Variants in DNAH6 observed in about 807,000 individuals in gnomAD.
DNAH6 encodes axonemal beta dynein heavy chain 6.
In DNAH6, 340 loss-of-function variants were observed where a neutral mutation model predicts 491.4. The observed-to-expected ratio is 0.69, with a 90% CI of 0.63 to 0.76. DNAH6 has a LOEUF of 0.76. Ranked by LOEUF, DNAH6 falls within the 30% of genes least tolerant of loss-of-function variation. The pLI, the probability that DNAH6 is intolerant of heterozygous loss-of-function variation, is 0.00. For synonymous variants in DNAH6, 1,603 were observed against 1,686.1 expected, an observed-to-expected ratio of 0.95 and a Z score of 1.21; for missense variants, 4,443 against 4,972.2, an observed-to-expected ratio of 0.89 and a Z score of 3.20.
the DNAH6 span, among the ~76,000 whole-genome samples, chr2:84,492,687 G>A: frequency 6.6e-6 from 1 of 151,998 alleles, no homozygotes; most frequent in Non-Finnish European, 1.5e-5. Context: ...TACATCTATG[G>A]GAATAATCTT....
At chr2:84,694,727 T>C (rs1695213660) in intron 46 of DNAH6, among the ~76,000 whole-genome samples, 1 of 152,216 alleles carries the variant, frequency 6.6e-6, no homozygotes, top group Non-Finnish European at 1.5e-5. Flanking sequence ...AACTTTTCTT[T>C]GAGGGAAAAG....
chr2:84,782,413 A>G (rs1326691186), intron 65 of DNAH6, among the ~76,000 whole-genome samples: 3 of 152,174 alleles, frequency 2.0e-5, no homozygotes, highest in African/African-American at 7.2e-5. Context: ...CCCTACAGAA[A>G]GCTTTCTGGA....
intron 3 of DNAH6, 72 bp from the exon 4 acceptor site, chr2:84,528,832 T>A (rs148527303): frequency 0.015 from 21,116 of 1,375,146 alleles, 332 homozygotes; most frequent in Middle Eastern, 0.068. Flanking sequence ...TCCTTGAAGG[T>A]AATATTTTGT....
At chr2:84,541,422 A>C (rs2104509583) in intron 4 of DNAH6, among the ~76,000 whole-genome samples, 1 of 152,346 alleles carries the variant, frequency 6.6e-6, no homozygotes, top group East Asian at 1.9e-4. Flanking sequence ...AATTCCATTA[A>C]AGTAACAGGA....
chr2:84,687,750 A>G (rs1450743341), intron 44 of DNAH6, among the ~76,000 whole-genome samples: 14 of 151,752 alleles, frequency 9.2e-5, no homozygotes, highest in African/African-American at 2.9e-4. Flanking sequence ...GATATCATCA[A>G]TAGATTAAAA....
intron 26 of DNAH6, among the ~76,000 whole-genome samples, chr2:84,622,448 T>TCTCA (rs1687486191): frequency 6.6e-6 from 1 of 152,064 alleles, no homozygotes; most frequent in Admixed American, 6.6e-5. Context: ...AGAGACAGGG[T>TCTCA]CTCACTGTAT....
Position 84,528,972 on chromosome 2 carries a change from AAG to A in DNAH6, c.471_472del (p.Gly158SerfsTer5). On this transcript the variant is annotated frameshift_variant, in exon 4 of 77. Coordinates refer to ENST00000389394, the MANE Select transcript of DNAH6 (RefSeq NM_001370.2). LOFTEE classifies it high-confidence loss of function. ...AACTGCCACATACTGGTATTGGAAA[AAG>A]AGGTCTCTTTGGGACTAGATCTTCA... ...PKLPHTGIGK[R>X]GLFGTRSSAY... 2 of 1,551,196 alleles carry A rather than the reference AAG, an allele frequency of 1.3e-6. No individual in the cohort carries two copies. Among genetic ancestry groups the A allele is most frequent in the East Asian group, 2.4e-5 (1 of 40,888 alleles).
At chr2:84,468,050 T>C in the DNAH6 span, among the ~76,000 whole-genome samples, 2 of 152,196 alleles carry the variant, frequency 1.3e-5, no homozygotes, top group African/African-American at 4.8e-5. Context: ...GCAAACTTAA[T>C]ATCTGACCTA....
intron 18 of DNAH6, among the ~76,000 whole-genome samples, chr2:84,601,063 A>G (rs1275823364): frequency 6.7e-6 from 1 of 148,808 alleles, no homozygotes; most frequent in Admixed American, 6.7e-5. Context: ...TTATTATTAT[A>G]CTATAAGGAA....
chr2:84,575,832 C>T (rs929680874), intron 12 of DNAH6, among the ~76,000 whole-genome samples: 4 of 152,052 alleles, frequency 2.6e-5, no homozygotes, highest in South Asian at 2.1e-4. Context: ...TGCAGTGAGC[C>T]GAGATCGCGC....
chr2:84,729,259 T>A (rs1195915692), intron 61 of DNAH6, among the ~76,000 whole-genome samples: 3 of 152,218 alleles, frequency 2.0e-5, no homozygotes, highest in Non-Finnish European at 2.9e-5. Context: ...AATTTGTATC[T>A]CTAGTCTATG....
At chr2:84,786,238 C>A (rs1573806626) in intron 67 of DNAH6, among the ~76,000 whole-genome samples, 1 of 151,870 alleles carries the variant, frequency 6.6e-6, no homozygotes, top group African/African-American at 2.4e-5. Context: ...CCAGTCTGGG[C>A]AACACAGCGA....
intron 11 of DNAH6, among the ~76,000 whole-genome samples, chr2:84,569,340 GA>G (rs1371283431): frequency 6.6e-6 from 1 of 152,046 alleles, no homozygotes; most frequent in Non-Finnish European, 1.5e-5. Flanking sequence ...GAAGGAAAGG[GA>G]GATAAACCAG....
intron 22 of DNAH6, 28 bp from the exon 23 acceptor site, chr2:84,616,858 A>G: frequency 7.9e-7 from 1 of 1,265,312 alleles, no homozygotes; most frequent in Admixed American, 3.5e-5. Flanking sequence ...ACACAGTTTT[A>G]CCAATACTAT....
intron 61 of DNAH6, among the ~76,000 whole-genome samples, chr2:84,731,379 T>G (rs1301473079): frequency 6.6e-6 from 1 of 152,238 alleles, no homozygotes; most frequent in Admixed American, 6.5e-5. Flanking sequence ...CAGCCTCCAC[T>G]GAGGAGACTG....
In DNAH6 at chr2:84,670,323, T is replaced by G. The variant is rs1558884201; in HGVS notation, c.6307-5T>G. The G allele has an allele frequency of 1.3e-6, 2 of 1,509,716 alleles. No homozygotes were observed. The highest frequency in any genetic ancestry group is 1.8e-6 in the Non-Finnish European group (2 of 1,119,200). The allele number at this position is 1,509,716 out of a possible 1,614,324, so 93.5% of individuals were successfully genotyped here. The stretch of plus-strand genomic sequence containing the variant: ...GTGACATTAATTAACTTATTTTAAT[T>G]TAAGTCTGTGATTGCAAAAGGATTG... On this transcript the variant is annotated splice_region_variant and splice_polypyrimidine_tract_variant and intron_variant, in intron 38 of 76. Coordinates refer to ENST00000389394, the MANE Select transcript of DNAH6 (RefSeq NM_001370.2).
At chr2:84,661,896 A>G (rs1691542040) in intron 37 of DNAH6, among the ~76,000 whole-genome samples, 1 of 152,222 alleles carries the variant, frequency 6.6e-6, no homozygotes, top group Non-Finnish European at 1.5e-5. Context: ...ATTCAAGACA[A>G]TAAAACAGCA....
At chr2:84,515,651 G>A (rs1159633797), upstream of DNAH6, among the ~76,000 whole-genome samples, 1 of 152,174 alleles carries the variant, frequency 6.6e-6, no homozygotes, top group East Asian at 1.9e-4. Flanking sequence ...TGGAGACAAG[G>A]TTGAAAACCA....
At chr2:84,748,481 C>T (rs946404525) in intron 63 of DNAH6, among the ~76,000 whole-genome samples, 1 of 152,220 alleles carries the variant, frequency 6.6e-6, no homozygotes, top group African/African-American at 2.4e-5. Context: ...GGACACAATA[C>T]AGCCAAGTCC....
Sources: allele counts gnomAD v4.1 joint callset (sites outside exome capture counted in the v4.1 genomes callset), GRCh38; gene constraint gnomAD v4.1.1; transcripts MANE v1.5; gene names NCBI Gene and HGNC (gene_info 2026-07-23, HGNC 2026-07-21).